The following MIA3 variants were observed in gnomAD, a reference collection of about 807,000 sequenced individuals.
MIA3 encodes the protein transport and Golgi organization protein 1 homolog.
MIA3 carries 90 observed loss-of-function variants against 192.4 expected under a neutral mutation model. The ratio of observed to expected loss-of-function variants is 0.47; its 90% confidence interval spans 0.39 to 0.56. MIA3 has a LOEUF of 0.56. Among genes scored for constraint, MIA3 ranks in the 20% least tolerant of loss-of-function variants. MIA3 has a pLI of 0.00. For missense variants in MIA3, 2,123 were observed against 2,269.4 expected, an observed-to-expected ratio of 0.94 and a Z score of 1.31; for synonymous variants, 740 against 792.8, an observed-to-expected ratio of 0.93 and a Z score of 1.12.
intron 27 of MIA3, among the ~76,000 whole-genome samples, 197 bp downstream of exon 27, chr1:222,664,345 G>T (rs1172652517): frequency 6.6e-6 from 1 of 152,170 alleles, no homozygotes; most frequent in Admixed American, 6.5e-5. Context: ...GGCAATAGTT[G>T]TCTCTAATAG....
chr1:222,630,285 A>G lies in MIA3; in HGVS notation c.3065A>G (p.Gln1022Arg), dbSNP rs757798621. ...GAGGCTGCAGTGCTTGATGACATTC[A>G]AGACCTCATCTATTTTGTCAGGTAC... ...FEEAAVLDDI[Q>R]DLIYFVRYKH... The change falls in exon 4 of 28, where the codon CAA becomes CGA. Residue 1022 changes from glutamine to arginine, a missense_variant. Gln to Arg is a conservative substitution (Grantham distance 43, BLOSUM62 1). This residue lies in a region of MIA3 where 1,357 missense variants were observed against 1,396.1 expected (regional missense o/e 0.97). Transcript: ENST00000344922. The G allele has an allele frequency of 1.2e-6, 2 of 1,614,230 alleles. No individual in the cohort carries two copies. The highest frequency in any genetic ancestry group is 1.7e-6 in the Non-Finnish European group (2 of 1,180,028).
At chr1:222,632,389 T>G (rs1161943702) in intron 5 of MIA3, 63 bp downstream of exon 5, 1 of 1,416,496 alleles carries the variant, frequency 7.1e-7, no homozygotes, top group East Asian at 2.3e-5. Flanking sequence ...TCTAGGAGAT[T>G]CATTGTCAAA....
chr1:222,662,311 C>G lies in MIA3; in HGVS notation c.5241C>G (p.Thr1747=). 1 of 1,613,960 alleles carries G rather than the reference C, an allele frequency of 6.2e-7. No individual in the cohort carries two copies. Among genetic ancestry groups the G allele is most frequent in the Non-Finnish European group, 8.5e-7 (1 of 1,179,844 alleles). ...GCAGCTCAAGAGGCTCTTCCCCTAC[C>G]AGGGTACTCGATGAAGGCAAGGTAA... The part of the protein sequence containing the change: ...MNSSSRGSSP[T]RVLDEGKVNM... The change falls in exon 26 of 28, where the codon ACC becomes ACG. Residue 1747 remains threonine, a synonymous_variant. Coordinates refer to ENST00000344922, the MANE Select transcript of MIA3 (RefSeq NM_198551.4).
chr1:222,651,432 C>T (rs983192080), intron 11 of MIA3, among the ~76,000 whole-genome samples: 7 of 150,436 alleles, frequency 4.7e-5, no homozygotes, highest in Admixed American at 2.0e-4. Context: ...AAGTTACTAT[C>T]GCAGCCCACA....
At position 222,633,171 on chromosome 1, in the gene MIA3, C is replaced by T. The variant is rs369874862; in HGVS notation, c.3399C>T (p.Ala1133=). 19 of 1,613,942 alleles carry T rather than the reference C, an allele frequency of 1.2e-5. No individual in the cohort carries two copies. Among genetic ancestry groups the T allele is most frequent in the African/African-American group, 4.0e-5 (3 of 74,912 alleles). The change falls in exon 6 of 28, where the codon GCC becomes GCT. Residue 1133 remains alanine, a synonymous_variant. Transcript: ENST00000344922. The part of the protein sequence containing the change: ...IDANKQPETA[A]EEPASVTPLE... The stretch of plus-strand genomic sequence containing the variant: ...CAAACAAGCAACCAGAGACAGCCGC[C>T]GAAGAGCCGGCAAGTGTCACACCTT...
At chr1:222,622,733 GT>G (rs1200639923) in intron 2 of MIA3, among the ~76,000 whole-genome samples, 1 of 151,782 alleles carries the variant, frequency 6.6e-6, no homozygotes, top group South Asian at 2.1e-4. Flanking sequence ...GAAAAGTTAA[GT>G]TTTTTTTTCC....
At position 222,628,666 on chromosome 1, in the gene MIA3, G is replaced by A. The variant is rs760864604; in HGVS notation, c.1446G>A (p.Lys482=). 1.2e-6 allele frequency: 2 copies of A among 1,614,002 alleles called. No individual in the cohort carries two copies. Among genetic ancestry groups the A allele is most frequent in the Non-Finnish European group, 1.7e-6 (2 of 1,179,982 alleles). ...CCAAGAGGGGCCTGGTACAAGATAAGACAGAATTAGAGGATGAAAATCAAG... is the reference window on the plus strand; with the variant it reads ...CCAAGAGGGGCCTGGTACAAGATAAAACAGAATTAGAGGATGAAAATCAAG... ...QESKRGLVQD[K]TELEDENQEG... is the part of the protein sequence containing the mutation. The change falls in exon 4 of 28, where the codon AAG becomes AAA. Residue 482 remains lysine, a synonymous_variant. Transcript: ENST00000344922.
chr1:222,639,044 A>G (rs1662747178), intron 6 of MIA3, among the ~76,000 whole-genome samples: 1 of 152,202 alleles, frequency 6.6e-6, no homozygotes, highest in South Asian at 2.1e-4. Flanking sequence ...GAGAGGGAAT[A>G]CAGATCACCA....
intron 18 of MIA3, among the ~76,000 whole-genome samples, chr1:222,657,254 A>G (rs149079406): frequency 1.7e-3 from 264 of 152,314 alleles, no homozygotes; most frequent in African/African-American, 6.1e-3. Context: ...TGCCTGTTCA[A>G]TACTCCAAGT....
intron 2 of MIA3, among the ~76,000 whole-genome samples, chr1:222,623,592 C>T (rs1661976209): frequency 6.6e-6 from 1 of 152,114 alleles, no homozygotes; most frequent in Admixed American, 6.5e-5. Context: ...TTTAATTGCC[C>T]TTATCTAATC....
Position 222,618,262 on chromosome 1 carries a change from C to A in MIA3, c.133+19C>A. ...TGCAGCAGTGAGTGCGCTGGAGGGGCGGCTGGCCTCGGGGCGGCTGGCCTT... is the reference window on the plus strand; with the variant it reads ...TGCAGCAGTGAGTGCGCTGGAGGGGAGGCTGGCCTCGGGGCGGCTGGCCTT... On this transcript the variant is annotated intron_variant, in intron 1 of 27. Transcript: ENST00000344922. 7.2e-7 allele frequency: 1 copy of A among 1,382,916 alleles called. No individual in the cohort carries two copies. Among genetic ancestry groups the A allele is most frequent in the Non-Finnish European group, 9.6e-7 (1 of 1,044,032 alleles). The allele number at this position is 1,382,916 out of a possible 1,614,324, so 85.7% of individuals were successfully genotyped here.
At chr1:222,642,922 G>A (rs1441347641) in intron 6 of MIA3, among the ~76,000 whole-genome samples, 1 of 152,052 alleles carries the variant, frequency 6.6e-6, no homozygotes, top group Admixed American at 6.5e-5. Flanking sequence ...TATTTGTAAA[G>A]CACTTTATAT....
chr1:222,653,879 C>T (rs1315531579), intron 15 of MIA3, among the ~76,000 whole-genome samples: 1 of 152,180 alleles, frequency 6.6e-6, no homozygotes, highest in Non-Finnish European at 1.5e-5. Flanking sequence ...GATGCCCTCT[C>T]TCAAGTTGGA....
At position 222,629,044 on chromosome 1, in the gene MIA3, G is replaced by A. The variant is rs540927367; in HGVS notation, c.1824G>A (p.Thr608=). Residue 608 remains threonine, a synonymous_variant, in exon 4 of 28, where the codon ACG becomes ACA. Coordinates refer to ENST00000344922, the MANE Select transcript of MIA3 (RefSeq NM_198551.4). ...TGGTAAATGGGGCCAAACTGCACAC[G>A]CTTTCAGTGGAGCATCAACGTGAGG... ...DALVNGAKLH[T]LSVEHQREEL... The A allele has an allele frequency of 9.3e-6, 15 of 1,614,098 alleles. No individual in the cohort carries two copies. The highest frequency in any genetic ancestry group is 2.7e-5 in the African/African-American group (2 of 74,934).
chr1:222,652,060 T>C lies in MIA3; in HGVS notation c.3981+12T>C. On this transcript the variant is annotated intron_variant, in intron 12 of 27. Transcript: ENST00000344922. ...CAGAATTTTCAGAGGTAAAGCTGAC[T>C]GTAATTCCTGCAGGATATTAATACT... 1 of 1,489,584 alleles carries C rather than the reference T, an allele frequency of 6.7e-7. No individual in the cohort carries two copies. The highest frequency in any genetic ancestry group is 9.4e-7 in the Non-Finnish European group (1 of 1,067,020). 92.3% of individuals were successfully genotyped at this position (1,489,584 alleles called of 1,614,324 possible). A position where few individuals can be genotyped will look rare whatever the true frequency, so the allele number is the denominator to read the frequency against.
intron 6 of MIA3, among the ~76,000 whole-genome samples, chr1:222,642,440 AAT>A (rs1662905482): frequency 6.6e-6 from 1 of 152,116 alleles, no homozygotes; most frequent in African/African-American, 2.4e-5. Context: ...TGTTGTATTT[AAT>A]ATGTCTTTCA....
chr1:222,643,135 C>G (rs1317273707), intron 6 of MIA3, among the ~76,000 whole-genome samples: 2 of 150,864 alleles, frequency 1.3e-5, no homozygotes, highest in Non-Finnish European at 2.9e-5. Context: ...TCACATAATA[C>G]ATAGAGACAG....
At chr1:222,652,942 A>T in intron 13 of MIA3, 66 bp from the exon 14 acceptor site, 1 of 1,534,210 alleles carries the variant, frequency 6.5e-7, no homozygotes. Context: ...TGTCTCATTC[A>T]TGTGGTCCTA....
intron 6 of MIA3, among the ~76,000 whole-genome samples, chr1:222,639,494 A>C (rs746797828): frequency 6.6e-6 from 1 of 152,198 alleles, no homozygotes; most frequent in Non-Finnish European, 1.5e-5. Context: ...CTAAACAAAA[A>C]TTTTAGCAAA....
Sources: allele counts gnomAD v4.1 joint callset (sites outside exome capture counted in the v4.1 genomes callset), GRCh38; gene constraint gnomAD v4.1.1; regional missense constraint gnomAD v4.1.1; transcripts MANE v1.5; gene names NCBI Gene and HGNC (gene_info 2026-07-23, HGNC 2026-07-21).